Variants in C8orf89 observed in about 807,000 individuals in gnomAD.
The protein encoded by C8orf89 is chromosome 8 open reading frame 89, also known as putative uncharacterized protein C8orf89.
Under a neutral mutation model 15.8 loss-of-function variants are expected in C8orf89, and 14 were observed. The ratio of observed to expected loss-of-function variants is 0.89; its 90% confidence interval spans 0.59 to 1.39. C8orf89 has a LOEUF of 1.39. Ranked by LOEUF, C8orf89 falls within the 40% of genes most tolerant of loss-of-function variation. The pLI is 0.00. For synonymous variants in C8orf89, 55 were observed against 62.2 expected (o/e 0.88, Z 0.54); for missense variants, 181 against 184.5 (o/e 0.98, Z 0.11).
At chr8:73,246,277 G>A (rs1414419427) in intron 3 of C8orf89, among the ~76,000 whole-genome samples, 3 of 152,212 alleles carry the variant, frequency 2.0e-5, no homozygotes, top group Admixed American at 1.3e-4. Context: ...GGGATATGAA[G>A]GTGAGTGAAT....
At chr8:73,250,154 A>G (rs1320777060) in intron 3 of C8orf89, 114 bp downstream of exon 3, 4 of 634,246 alleles carry the variant, frequency 6.3e-6, no homozygotes, top group African/African-American at 5.5e-5. Flanking sequence ...GCTTAAAAGA[A>G]GTAGTAACAA....
chr8:73,268,878 TA>T, the C8orf89 span, among the ~76,000 whole-genome samples: 1 of 152,164 alleles, frequency 6.6e-6, no homozygotes, highest in African/African-American at 2.4e-5. Flanking sequence ...GTTCTGAGCA[TA>T]CTCCACAATT....
intron 3 of C8orf89, among the ~76,000 whole-genome samples, chr8:73,247,687 T>C (rs1813156631): frequency 6.6e-6 from 1 of 152,250 alleles, no homozygotes; most frequent in Non-Finnish European, 1.5e-5. Flanking sequence ...ATTTCTCTAA[T>C]GATAAGTGAT....
the C8orf89 span, among the ~76,000 whole-genome samples, chr8:73,284,299 C>T: frequency 1.2e-4 from 18 of 149,064 alleles, no homozygotes; most frequent in African/African-American, 4.0e-4. Context: ...CTGCAACCTC[C>T]GCCTCCCGGT....
intron 2 of C8orf89, among the ~76,000 whole-genome samples, chr8:73,251,349 C>T (rs1458062878): frequency 6.6e-6 from 1 of 152,324 alleles, no homozygotes; most frequent in East Asian, 1.9e-4. Context: ...AAAACCGCTC[C>T]TTCACAGGCC....
intron 2 of C8orf89, 97 bp from the exon 3 acceptor site, chr8:73,250,420 G>T: frequency 1.4e-6 from 1 of 702,284 alleles, no homozygotes; most frequent in Non-Finnish European, 2.3e-6. Context: ...TTAAATAAAT[G>T]TTAAGGAAAG....
At chr8:73,277,835 T>A in the C8orf89 span, 5 of 710,482 alleles carry the variant, frequency 7.0e-6, no homozygotes, top group South Asian at 6.8e-5. Flanking sequence ...CATTTTCTTT[T>A]CCCATAGCTG....
chr8:73,272,474 C>CT, the C8orf89 span, among the ~76,000 whole-genome samples: 6 of 151,974 alleles, frequency 3.9e-5, no homozygotes, highest in African/African-American at 1.4e-4. Flanking sequence ...TTTTATTATA[C>CT]TTTAAGTTCT....
intron 2 of C8orf89, among the ~76,000 whole-genome samples, chr8:73,253,402 T>C (rs1813293547): frequency 6.6e-6 from 1 of 152,198 alleles, no homozygotes; most frequent in African/African-American, 2.4e-5. Context: ...TGGCTTAGGA[T>C]TGACTTGGCG....
At chr8:73,274,051 T>C in the C8orf89 span, among the ~76,000 whole-genome samples, 1 of 152,282 alleles carries the variant, frequency 6.6e-6, no homozygotes, top group South Asian at 2.1e-4. Context: ...TACTGTTAAC[T>C]ATTTTCTCTT....
chr8:73,284,335 T>C, the C8orf89 span, among the ~76,000 whole-genome samples: 5 of 147,514 alleles, frequency 3.4e-5, no homozygotes, highest in Non-Finnish European at 7.4e-5. Context: ...TGCCTCAGCC[T>C]CCTGAGTAGC....
At chr8:73,280,342 T>A in the C8orf89 span, among the ~76,000 whole-genome samples, 5 of 152,208 alleles carry the variant, frequency 3.3e-5, no homozygotes, top group Middle Eastern at 3.2e-3. Context: ...CCAGAATAGC[T>A]TTTTAAATAA....
In C8orf89 at chr8:73,248,537, G is replaced by A. The variant is rs139260371; in HGVS notation, c.337+1731C>T. Among the ~76,000 whole-genome samples the A allele has an allele frequency of 1.3e-4, 20 of 152,154 alleles. No individual in the cohort carries two copies. The East Asian group carries it at 3.9e-3, about 29-fold the overall frequency. ...TCTATAAATTGCTTTGGGTAGTATAGTTATTTTAACTATATTGAGTCTTCC... is the reference window on the plus strand; with the variant it reads ...TCTATAAATTGCTTTGGGTAGTATAATTATTTTAACTATATTGAGTCTTCC... On this transcript the variant is annotated intron_variant, in intron 3 of 3. Coordinates refer to ENST00000624510, the MANE Select transcript of C8orf89 (RefSeq NM_001243237.3).
intron 3 of C8orf89, among the ~76,000 whole-genome samples, chr8:73,248,794 T>G (rs955253929): frequency 2.0e-5 from 3 of 152,186 alleles, no homozygotes; most frequent in Admixed American, 6.5e-5. Flanking sequence ...TGATTTTGTA[T>G]CTTGAAATTT....
chr8:73,265,453 C>T, the C8orf89 span, among the ~76,000 whole-genome samples: 3 of 152,192 alleles, frequency 2.0e-5, no homozygotes, highest in Non-Finnish European at 2.9e-5. Context: ...ATAAAGGACA[C>T]TGTGGAACAC....
intron 3 of C8orf89, among the ~76,000 whole-genome samples, chr8:73,246,890 T>C (rs1304738732): frequency 6.6e-6 from 1 of 152,172 alleles, no homozygotes; most frequent in Non-Finnish European, 1.5e-5. Flanking sequence ...AAGCATTACT[T>C]AGTAATTTTA....
chr8:73,256,726 CAAAAAAAAAAAAA>C lies in C8orf89; in HGVS notation c.281+234_281+246del, dbSNP rs11288188. The stretch of plus-strand genomic sequence containing the variant: ...CTGGCAAAACAGCGAGACTCTGTCT[CAAAAAAAAAAAAA>C]AAAAAAAAAAGCCCTTAAATCTTTT... On this transcript the variant is annotated intron_variant, in intron 2 of 3. Transcript: ENST00000624510. Among the ~76,000 whole-genome samples, 140 of 43,712 alleles carry C rather than the reference CAAAAAAAAAAAAA, an allele frequency of 3.2e-3. 4 individuals carry two copies. Among genetic ancestry groups the C allele is most frequent in the Admixed American group, 6.1e-3 (20 of 3,268 alleles). 28.7% of individuals were successfully genotyped at this position (43,712 alleles called of 152,430 possible). A position where few individuals can be genotyped will look rare whatever the true frequency, so the allele number is the denominator to read the frequency against.
chr8:73,277,537 C>T, the C8orf89 span: 1 of 765,300 alleles, frequency 1.3e-6, no homozygotes, highest in Non-Finnish European at 2.4e-6. Context: ...TTCCAGGTTT[C>T]CAGAGAAGCC....
At chr8:73,271,727 C>A in the C8orf89 span, among the ~76,000 whole-genome samples, 1 of 152,114 alleles carries the variant, frequency 6.6e-6, no homozygotes, top group Non-Finnish European at 1.5e-5. Flanking sequence ...GATAAAGACA[C>A]CCGAGACTGT....
Sources: gnomAD v4.1 joint callset for allele counts (sites outside exome capture counted in the v4.1 genomes callset) on GRCh38, gnomAD v4.1.1 for gene constraint, MANE v1.5 for transcripts, NCBI Gene and HGNC (gene_info 2026-07-23, HGNC 2026-07-21) for gene names.